NRXN1: variants seen among roughly 807,000 people sequenced by gnomAD.
The protein encoded by NRXN1 is neurexin-1.
Under a neutral mutation model 150.9 loss-of-function variants are expected in NRXN1, and 39 were observed. The observed-to-expected ratio is 0.26, with a 90% confidence interval of 0.20 to 0.34. NRXN1 has a LOEUF of 0.34. Ranked by LOEUF, NRXN1 falls within the 10% of genes least tolerant of loss-of-function variation. The probability of loss-of-function intolerance (pLI) is 1.00; values close to 1 mark genes in which losing one functional copy is unlikely to be tolerated. For missense variants in NRXN1, 1,815 were observed against 1,949.9 expected, an observed-to-expected ratio of 0.93 and a Z score of 1.30; for synonymous variants, 924 against 757.0, an observed-to-expected ratio of 1.22 and a Z score of -3.62.
chr2:50,225,766 G>C (rs2064317332), intron 18 of NRXN1, among the ~76,000 whole-genome samples: 1 of 151,744 alleles, frequency 6.6e-6, no homozygotes, highest in Admixed American at 6.6e-5. Context: ...TGTGTTTCTC[G>C]GTCTTTAAAA....
intron 18 of NRXN1, among the ~76,000 whole-genome samples, chr2:50,138,184 T>G (rs1706700246): frequency 6.6e-6 from 1 of 152,230 alleles, no homozygotes; most frequent in African/African-American, 2.4e-5. Flanking sequence ...CCATATGATC[T>G]TCTCAGAGTC....
chr2:50,985,219 A>T (rs538299442), intron 2 of NRXN1, among the ~76,000 whole-genome samples: 2 of 152,080 alleles, frequency 1.3e-5, no homozygotes, highest in South Asian at 4.1e-4. Context: ...AAATATCACC[A>T]ACATCCATGA....
chr2:50,783,244 C>T (rs1704599134), intron 5 of NRXN1, among the ~76,000 whole-genome samples: 1 of 152,136 alleles, frequency 6.6e-6, no homozygotes, highest in Admixed American at 6.6e-5. Flanking sequence ...CTAAAGCCTA[C>T]ATCGCAATCT....
At chr2:50,686,102 G>C (rs576224403) in intron 5 of NRXN1, among the ~76,000 whole-genome samples, 44 of 151,924 alleles carry the variant, frequency 2.9e-4, no homozygotes, top group Non-Finnish European at 6.0e-4. Flanking sequence ...GTTTAAAGCT[G>C]AACCCTCATA....
chr2:50,262,675 T>G (rs1036391217), intron 17 of NRXN1, among the ~76,000 whole-genome samples: 1 of 151,986 alleles, frequency 6.6e-6, no homozygotes, highest in African/African-American at 2.4e-5. Flanking sequence ...ATTACCCTAT[T>G]CTAGCAGTCA....
At chr2:50,728,892 G>C (rs980097892) in intron 5 of NRXN1, among the ~76,000 whole-genome samples, 3 of 152,114 alleles carry the variant, frequency 2.0e-5, no homozygotes, top group African/African-American at 7.2e-5. Flanking sequence ...CCTTTTCTCT[G>C]ACCCAAAGAG....
intron 18 of NRXN1, among the ~76,000 whole-genome samples, chr2:50,172,397 G>T (rs961589065): frequency 6.6e-6 from 1 of 152,064 alleles, no homozygotes; most frequent in Non-Finnish European, 1.5e-5. Context: ...TCTCTAGCTT[G>T]ATGTTCTTCT....
chr2:50,555,965 TCTC>T (rs1371507477), intron 8 of NRXN1, among the ~76,000 whole-genome samples: 6 of 152,126 alleles, frequency 3.9e-5, no homozygotes, highest in Non-Finnish European at 7.4e-5. Context: ...ACACTGTGCT[TCTC>T]CTCAACATAG....
At chr2:50,800,050 C>T (rs1294720942) in intron 5 of NRXN1, among the ~76,000 whole-genome samples, 1 of 152,074 alleles carries the variant, frequency 6.6e-6, no homozygotes, top group African/African-American at 2.4e-5. Flanking sequence ...TGTTGAAGAA[C>T]TGTAGTTATG....
intron 5 of NRXN1, among the ~76,000 whole-genome samples, chr2:50,775,951 G>A (rs1703576462): frequency 2.0e-5 from 3 of 152,178 alleles, no homozygotes; most frequent in Non-Finnish European, 2.9e-5. Flanking sequence ...TTGGCTCTGT[G>A]ATAAGAAAGC....
chr2:50,854,966 C>T (rs1675056645), intron 5 of NRXN1, among the ~76,000 whole-genome samples: 1 of 151,910 alleles, frequency 6.6e-6, no homozygotes, highest in African/African-American at 2.4e-5. Flanking sequence ...GTCCTCACTC[C>T]AGATATTTGA....
rs762600943 is a variant in NRXN1, at chr2:50,497,325, G to A, written c.2879+8C>T. On this transcript the variant is annotated splice_region_variant and intron_variant, in intron 14 of 22. Coordinates refer to ENST00000401669, the MANE Select transcript of NRXN1 (RefSeq NM_001330078.2). ...TATTTATTTGCTATTGAACAGGCAT[G>A]TACTCACCCTTTAACTAATTCAACC... 4 of 1,519,040 alleles carry A rather than the reference G, an allele frequency of 2.6e-6. No homozygotes were observed. The East Asian group carries it at 6.8e-5, about 26-fold the overall frequency. The allele number at this position is 1,519,040 out of a possible 1,614,324, so 94.1% of individuals were successfully genotyped here. A position where few individuals can be genotyped will look rare whatever the true frequency, so the allele number is the denominator to read the frequency against.
At chr2:50,855,939 C>A (rs1675213328) in intron 5 of NRXN1, among the ~76,000 whole-genome samples, 1 of 151,762 alleles carries the variant, frequency 6.6e-6, no homozygotes, top group African/African-American at 2.4e-5. Context: ...ATGTTAGAAT[C>A]TATACCGCCT....
intron 22 of NRXN1, among the ~76,000 whole-genome samples, chr2:49,939,070 G>A (rs185349742): frequency 6.6e-6 from 1 of 152,246 alleles, no homozygotes; most frequent in Non-Finnish European, 1.5e-5. Context: ...ATGTGCGTGT[G>A]TGTATAAAAA....
At chr2:50,076,362 T>G (rs1697104536) in intron 19 of NRXN1, among the ~76,000 whole-genome samples, 1 of 135,490 alleles carries the variant, frequency 7.4e-6, no homozygotes, top group South Asian at 2.3e-4. Flanking sequence ...AACTAAACTA[T>G]TTTGACTAAT....
chr2:50,276,332 T>A (rs1270300497), intron 17 of NRXN1, among the ~76,000 whole-genome samples: 1 of 152,116 alleles, frequency 6.6e-6, no homozygotes, highest in Non-Finnish European at 1.5e-5. Context: ...AAGCGGAAAG[T>A]ATGAGATGAA....
intron 2 of NRXN1, among the ~76,000 whole-genome samples, chr2:51,008,982 ATAAC>A (rs895910853): frequency 2.6e-5 from 4 of 151,938 alleles, no homozygotes; most frequent in African/African-American, 9.7e-5. Flanking sequence ...AAAACAAAGT[ATAAC>A]TAATTTGTGG....
chr2:50,474,859 C>A (rs1293646854), intron 15 of NRXN1, among the ~76,000 whole-genome samples: 2 of 67,868 alleles, frequency 2.9e-5, no homozygotes, highest in African/African-American at 5.9e-5. Flanking sequence ...AAAATGAGTA[C>A]AGTAGAACTC....
chr2:49,961,378 T>G (rs1056918410), intron 21 of NRXN1, among the ~76,000 whole-genome samples: 1 of 151,944 alleles, frequency 6.6e-6, no homozygotes, highest in African/African-American at 2.4e-5. Flanking sequence ...TCCTCCTTGT[T>G]GTAACATTTT....
Sources: gnomAD v4.1 joint callset for allele counts (sites outside exome capture counted in the v4.1 genomes callset) on GRCh38, gnomAD v4.1.1 for gene constraint, MANE v1.5 for transcripts, NCBI Gene and HGNC (gene_info 2026-07-23, HGNC 2026-07-21) for gene names.